Variants in ACSBG1 observed in about 807,000 individuals in gnomAD.
The protein encoded by ACSBG1 is long-chain-fatty-acid--CoA ligase ACSBG1.
A neutral mutation model predicts 80.2 loss-of-function variants in ACSBG1; 39 were observed. The observed-to-expected ratio is 0.49, with a 90% CI of 0.38 to 0.64. The LOEUF (loss-of-function observed/expected upper bound fraction) is 0.64, where lower values mean the gene tolerates loss of function less well. ACSBG1 is among the 30% of genes least tolerant of loss of function. The pLI is 0.00. For missense variants in ACSBG1, 828 were observed against 966.4 expected (o/e 0.86, Z 1.90); for synonymous variants, 392 against 379.5 (o/e 1.03, Z -0.38).
At chr15:78,174,008 G>A (rs1336724262) in intron 12 of ACSBG1, among the ~76,000 whole-genome samples, 169 bp from the exon 13 acceptor site, 1 of 152,170 alleles carries the variant, frequency 6.6e-6, no homozygotes, top group Admixed American at 6.5e-5. Flanking sequence ...TCGTGTTATT[G>A]TGGAAGGAGC....
chr15:78,191,198 A>G (rs926223727), intron 5 of ACSBG1, among the ~76,000 whole-genome samples: 2 of 152,240 alleles, frequency 1.3e-5, no homozygotes, highest in Admixed American at 1.3e-4. Flanking sequence ...GGGTTAATTT[A>G]TCAAGAAAAC....
chr15:78,211,706 T>A (rs2075268724), intron 1 of ACSBG1, among the ~76,000 whole-genome samples: 1 of 152,146 alleles, frequency 6.6e-6, no homozygotes, highest in African/African-American at 2.4e-5. Flanking sequence ...CGCCTTTCTC[T>A]TAACCATCTC....
chr15:78,199,458 G>A (rs2075146146), intron 2 of ACSBG1, among the ~76,000 whole-genome samples: 1 of 151,560 alleles, frequency 6.6e-6, no homozygotes, highest in South Asian at 2.1e-4. Context: ...ACTTTGGGAG[G>A]CCAAGGCAGG....
At chr15:78,219,967 A>AG (rs1440600230) in intron 1 of ACSBG1, among the ~76,000 whole-genome samples, 1 of 151,972 alleles carries the variant, frequency 6.6e-6, no homozygotes, top group Non-Finnish European at 1.5e-5. Context: ...TCTGGGCAAC[A>AG]GAGTGAGACT....
Position 78,212,680 on chromosome 15 carries a change from G to A in ACSBG1, c.132-4578C>T, listed in dbSNP as rs142929776. 4.0e-4 allele frequency: 179 copies of A among 443,016 alleles called. 1 individual carries two copies. In the East Asian group the frequency reaches 4.5e-3, roughly 11 times the overall value. 27.4% of individuals were successfully genotyped at this position (443,016 alleles called of 1,614,324 possible). ...AGAGAACATGTCACGGAGTCCCCCCGGGAGAGCCACAGCAGCCCCAGAGAG... is the reference window on the plus strand; with the variant it reads ...AGAGAACATGTCACGGAGTCCCCCCAGGAGAGCCACAGCAGCCCCAGAGAG... On this transcript the variant is annotated intron_variant, in intron 1 of 13. Transcript: ENST00000258873.
Position 78,182,099 on chromosome 15 carries a change from G to T in ACSBG1, c.941C>A (p.Pro314Gln), listed in dbSNP as rs1037796617. Residue 314 changes from proline to glutamine, a missense_variant, in exon 8 of 14, where the codon CCG (proline) becomes CAG (glutamine). Physicochemically the swap from Pro to Gln is moderately conservative, Grantham distance 76. Transcript: ENST00000258873. ...RYGSQAGDIR[P>Q]AEVQQEVVVS... ...TACCACCTCCTGCTGGACTTCTGCC[G>T]GCCGGATGTCACCGGCCTGGCTGCC... 1 of 1,612,530 alleles carries T rather than the reference G, an allele frequency of 6.2e-7. No individual in the cohort carries two copies. Among genetic ancestry groups the T allele is most frequent in the African/African-American group, 1.3e-5 (1 of 74,912 alleles).
At chr15:78,191,019 C>T (rs151015198) in intron 5 of ACSBG1, among the ~76,000 whole-genome samples, 1 of 152,114 alleles carries the variant, frequency 6.6e-6, no homozygotes, top group Non-Finnish European at 1.5e-5. Flanking sequence ...CTACAAGAAA[C>T]TCACTTTAAA....
chr15:78,174,404 G>A lies in ACSBG1; in HGVS notation c.1823C>T (p.Ser608Phe). Residue 608 changes from serine to phenylalanine, a missense_variant, in exon 12 of 14, where the codon TCC (serine) becomes TTC (phenylalanine). Coordinates refer to ENST00000258873, the MANE Select transcript of ACSBG1 (RefSeq NM_015162.5). The stretch of plus-strand genomic sequence containing the variant: ...ACACACCTTCAAGGTGAGCAGCATG[G>A]ACAGGAACTTCCTCTGGTCCCCAAT... ...MLIGDQRKFL[S>F]MLLTLKCTLD... The A allele has an allele frequency of 6.2e-7, 1 of 1,614,200 alleles. No individual in the cohort carries two copies. Among genetic ancestry groups the A allele is most frequent in the Non-Finnish European group, 8.5e-7 (1 of 1,180,036 alleles).
At chr15:78,213,636 T>C (rs2075285137) in intron 1 of ACSBG1, 1 of 152,230 alleles carries the variant, frequency 6.6e-6, no homozygotes, top group Non-Finnish European at 1.5e-5. Flanking sequence ...CTCTGACCTA[T>C]ATGGCACGGG....
intron 10 of ACSBG1, among the ~76,000 whole-genome samples, chr15:78,179,251 G>A (rs79399102): frequency 0.056 from 8,580 of 152,264 alleles, 277 homozygotes; most frequent in South Asian, 0.17. Context: ...TCCAAAAGAG[G>A]GAGGGGCCAG....
rs1353553479 is a variant in ACSBG1 at position 78,170,054 on chromosome 15, A to C, written c.*1390T>G. 6.6e-6 allele frequency: 1 copy of C among 152,238 alleles called. No homozygotes were observed. Among genetic ancestry groups the C allele is most frequent in the African/African-American group, 2.4e-5 (1 of 41,452 alleles). The allele number at this position is 152,238 out of a possible 1,614,324, so 9.4% of individuals were successfully genotyped here. ...GCCTCAGCAGTACCAGTATAAGATG[A>C]CATTCCAAAGACTGGAGGCAACTCA... On this transcript the variant is annotated 3_prime_UTR_variant, in exon 14 of 14. Coordinates refer to ENST00000258873, the MANE Select transcript of ACSBG1 (RefSeq NM_015162.5).
intron 1 of ACSBG1, among the ~76,000 whole-genome samples, chr15:78,223,888 G>A (rs958163150): frequency 1.6e-4 from 24 of 152,116 alleles, no homozygotes; most frequent in Admixed American, 5.9e-4. Flanking sequence ...GAGAAACAAC[G>A]TGACCACAGA....
At chr15:78,192,689 G>A (rs1281628616) in intron 5 of ACSBG1, among the ~76,000 whole-genome samples, 1 of 152,194 alleles carries the variant, frequency 6.6e-6, no homozygotes, top group Non-Finnish European at 1.5e-5. Context: ...ATGAGGATAG[G>A]CACCTGCTCT....
chr15:78,175,453 G>A (rs188687231), intron 11 of ACSBG1, among the ~76,000 whole-genome samples: 47 of 152,346 alleles, frequency 3.1e-4, no homozygotes, highest in African/African-American at 7.7e-4. Flanking sequence ...TGAGACAGAG[G>A]GAGGCACAGG....
At chr15:78,208,512 T>C (rs912721969) in intron 1 of ACSBG1, among the ~76,000 whole-genome samples, 1 of 151,816 alleles carries the variant, frequency 6.6e-6, no homozygotes, top group Non-Finnish European at 1.5e-5. Flanking sequence ...GGGGCGGGGG[T>C]TCCCCCATCT....
intron 1 of ACSBG1, among the ~76,000 whole-genome samples, chr15:78,231,359 G>A (rs1264422577): frequency 6.6e-6 from 1 of 151,526 alleles, no homozygotes; most frequent in Non-Finnish European, 1.5e-5. Context: ...TCGAACTCCT[G>A]ACCTCAGGTG....
intron 5 of ACSBG1, among the ~76,000 whole-genome samples, chr15:78,192,477 C>G (rs2141345718): frequency 6.6e-6 from 1 of 152,342 alleles, no homozygotes; most frequent in East Asian, 1.9e-4. Flanking sequence ...AGTTCTTGGC[C>G]TGGGCTGCCC....
rs774897940 is a variant in ACSBG1, at chr15:78,182,701, A to G, written c.744+4T>C. ...CCTGGCGCCCAGGGCCCCACTGCCC[A>G]TACCGTGTACACATTGGCCATCTTG... On this transcript the variant is annotated splice_donor_region_variant and intron_variant, in intron 6 of 13. Coordinates refer to ENST00000258873, the MANE Select transcript of ACSBG1 (RefSeq NM_015162.5). 77 of 1,614,252 alleles carry G rather than the reference A, an allele frequency of 4.8e-5. No homozygotes were observed. The South Asian group carries it at 6.5e-4, about 14-fold the overall frequency.
intron 2 of ACSBG1, among the ~76,000 whole-genome samples, chr15:78,196,017 G>T (rs976461707): frequency 6.6e-6 from 1 of 152,238 alleles, no homozygotes. Flanking sequence ...TCCTGTGGAG[G>T]GCCGGAAGTA....
Sources: allele counts gnomAD v4.1 joint callset (sites outside exome capture counted in the v4.1 genomes callset), GRCh38; gene constraint gnomAD v4.1.1; transcripts MANE v1.5; gene names NCBI Gene and HGNC (gene_info 2026-07-23, HGNC 2026-07-21).